The following GPHN variants were observed in gnomAD, a reference collection of about 807,000 sequenced individuals.
The protein encoded by GPHN is gephyrin.
In GPHN, 17 loss-of-function variants were observed where a neutral mutation model predicts 95.5. That is an observed-to-expected ratio of 0.18 (90% CI 0.12 to 0.27). GPHN has a LOEUF of 0.27. Among genes scored for constraint, GPHN ranks in the 10% least tolerant of loss-of-function variants. The pLI, the probability that GPHN is intolerant of heterozygous loss-of-function variation, is 1.00. For missense variants in GPHN, 660 were observed against 978.1 expected, an observed-to-expected ratio of 0.67 and a Z score of 4.34; for synonymous variants, 320 against 322.5, an observed-to-expected ratio of 0.99 and a Z score of 0.08.
At chr14:67,081,753 T>C (rs112055251) in intron 11 of GPHN, among the ~76,000 whole-genome samples, 6 of 152,334 alleles carry the variant, frequency 3.9e-5, no homozygotes, top group African/African-American at 1.4e-4. Context: ...AAGTCCTTGA[T>C]CCAACTTAGT....
At chr14:67,259,916 A>T in the GPHN span, among the ~76,000 whole-genome samples, 1 of 151,866 alleles carries the variant, frequency 6.6e-6, no homozygotes, top group Admixed American at 6.6e-5. Context: ...GTATTTCGTA[A>T]ATGTATTTGT....
chr14:66,921,732 A>G (rs540192618), intron 6 of GPHN, among the ~76,000 whole-genome samples: 1 of 152,148 alleles, frequency 6.6e-6, no homozygotes, highest in Non-Finnish European at 1.5e-5. Context: ...TATGGCACCA[A>G]AAAAGAGCCC....
the GPHN span, chr14:67,201,588 A>G: frequency 2.2e-6 from 1 of 454,086 alleles, no homozygotes; most frequent in Non-Finnish European, 4.4e-6. Flanking sequence ...GTCACATGCC[A>G]CTGCTGAAAC....
At chr14:67,030,726 C>T (rs887775543) in intron 10 of GPHN, among the ~76,000 whole-genome samples, 1 of 152,116 alleles carries the variant, frequency 6.6e-6, no homozygotes, top group African/African-American at 2.4e-5. Flanking sequence ...TAGTGCTTTT[C>T]TGTCTTCTCC....
intron 1 of GPHN, among the ~76,000 whole-genome samples, chr14:66,642,733 C>T (rs2064495762): frequency 6.6e-6 from 1 of 151,800 alleles, no homozygotes; most frequent in African/African-American, 2.4e-5. Context: ...ATATATGCTT[C>T]TACCTGATTT....
At chr14:67,668,549 A>C in the GPHN span, among the ~76,000 whole-genome samples, 1 of 152,240 alleles carries the variant, frequency 6.6e-6, no homozygotes, top group African/African-American at 2.4e-5. Context: ...AATAAATCAC[A>C]ATCATATATC....
chr14:66,981,882 A>G (rs936306082), intron 9 of GPHN, among the ~76,000 whole-genome samples: 2 of 152,182 alleles, frequency 1.3e-5, no homozygotes, highest in African/African-American at 4.8e-5. Context: ...CTTTCATATT[A>G]TTTATTGATG....
chr14:66,701,269 A>G (rs2068529460), intron 2 of GPHN, among the ~76,000 whole-genome samples: 1 of 152,046 alleles, frequency 6.6e-6, no homozygotes, highest in South Asian at 2.1e-4. Flanking sequence ...TTTTTTTACA[A>G]TATCTCAAAT....
In GPHN at chr14:66,873,601, C is replaced by T. The variant is rs531229545; in HGVS notation, c.295-6338C>T. ...GGGAGGGGGCGTCCACCATTACTGA[C>T]GCTTGAGTGGGCAGTTTTCCCCTCA... On this transcript the variant is annotated intron_variant, in intron 4 of 22. Transcript: ENST00000478722. Among the ~76,000 whole-genome samples, 91 of 152,252 alleles carry T rather than the reference C, an allele frequency of 6.0e-4. 1 individual carries two copies. The highest frequency in any genetic ancestry group is 3.1e-3 in the Admixed American group (48 of 15,294).
intron 1 of GPHN, among the ~76,000 whole-genome samples, chr14:66,638,641 TC>T (rs955982774): frequency 4.6e-5 from 7 of 152,200 alleles, no homozygotes; most frequent in African/African-American, 1.7e-4. Context: ...AGAGACCCCA[TC>T]TTTGTAGTCT....
At chr14:66,998,878 A>T (rs1283911581) in intron 9 of GPHN, among the ~76,000 whole-genome samples, 2 of 30,626 alleles carry the variant, frequency 6.5e-5, no homozygotes, top group Non-Finnish European at 3.3e-4. Flanking sequence ...GTCCCTTTGT[A>T]AAAAAAAAAA....
the GPHN span, among the ~76,000 whole-genome samples, chr14:67,511,591 A>G: frequency 1.3e-5 from 2 of 152,216 alleles, no homozygotes; most frequent in African/African-American, 4.8e-5. Context: ...TGAATTGTCA[A>G]TGACTTTGGT....
At chr14:66,942,860 T>C (rs749793519) in intron 8 of GPHN, among the ~76,000 whole-genome samples, 1 of 152,196 alleles carries the variant, frequency 6.6e-6, no homozygotes, top group Non-Finnish European at 1.5e-5. Context: ...GGGAAGCCTA[T>C]TAAATATATT....
chr14:67,702,437 A>T, the GPHN span, among the ~76,000 whole-genome samples: 1 of 150,824 alleles, frequency 6.6e-6, no homozygotes, highest in Admixed American at 6.6e-5. Context: ...TCTTACTTAT[A>T]AAAAAAATCA....
the GPHN span, among the ~76,000 whole-genome samples, chr14:67,510,098 G>C: frequency 6.6e-6 from 1 of 152,176 alleles, no homozygotes; most frequent in Admixed American, 6.5e-5. Context: ...TATGATATGG[G>C]TGATCACTTT....
the GPHN span, among the ~76,000 whole-genome samples, chr14:67,328,231 A>G: frequency 1.3e-5 from 2 of 152,226 alleles, no homozygotes; most frequent in African/African-American, 4.8e-5. Context: ...TCTGATGGCC[A>G]GTGATGATGA....
At position 67,177,527 on chromosome 14, in the gene GPHN, T is replaced by C. The variant is rs1469001301; in HGVS notation, c.2080-2051T>C. Among the ~76,000 whole-genome samples the C allele has an allele frequency of 7.9e-5, 12 of 152,206 alleles. 1 individual carries two copies. In the East Asian group the frequency reaches 2.3e-3, roughly 29 times the overall value. On this transcript the variant is annotated intron_variant, in intron 21 of 22. Coordinates refer to ENST00000478722, the MANE Select transcript of GPHN (RefSeq NM_020806.5). ...GTGGTCAATTTTAGAATCAGTGCGATGTGTTGCTGAGAAGAATGTACATTC... is the reference window on the plus strand; with the variant it reads ...GTGGTCAATTTTAGAATCAGTGCGACGTGTTGCTGAGAAGAATGTACATTC...
At chr14:67,469,849 T>C in the GPHN span, among the ~76,000 whole-genome samples, 2 of 152,186 alleles carry the variant, frequency 1.3e-5, no homozygotes, top group Non-Finnish European at 2.9e-5. Flanking sequence ...TTCCATGTCT[T>C]TGGGGGTACC....
chr14:67,170,555 A>T (rs1172003175), intron 21 of GPHN, among the ~76,000 whole-genome samples: 2 of 152,218 alleles, frequency 1.3e-5, no homozygotes, highest in Non-Finnish European at 2.9e-5. Context: ...CTCTTCTTTA[A>T]AACAGACATA....
Sources: allele counts gnomAD v4.1 joint callset (sites outside exome capture counted in the v4.1 genomes callset), GRCh38; gene constraint gnomAD v4.1.1; transcripts MANE v1.5; gene names NCBI Gene and HGNC (gene_info 2026-07-23, HGNC 2026-07-21).